The following DDX60L variants were observed in gnomAD, a reference collection of about 807,000 sequenced individuals.
DDX60L encodes probable ATP-dependent RNA helicase DDX60-like.
In DDX60L, 191 loss-of-function variants were observed where a neutral mutation model predicts 211.6. The observed-to-expected ratio is 0.90, with a 90% CI of 0.80 to 1.02. The LOEUF (loss-of-function observed/expected upper bound fraction) is 1.02, where lower values mean the gene tolerates loss of function less well. Ranked by LOEUF, DDX60L falls within the 50% of genes least tolerant of loss-of-function variation. The pLI, the probability that DDX60L is intolerant of heterozygous loss-of-function variation, is 0.00. For synonymous variants in DDX60L, 706 were observed against 694.1 expected, an observed-to-expected ratio of 1.02 and a Z score of -0.27; for missense variants, 2,007 against 1,984.1, an observed-to-expected ratio of 1.01 and a Z score of -0.22.
chr4:168,445,245 A>G (rs1754586758), intron 9 of DDX60L, among the ~76,000 whole-genome samples: 1 of 122,780 alleles, frequency 8.1e-6, no homozygotes, highest in African/African-American at 2.8e-5. Flanking sequence ...AGAATACTAC[A>G]AACACCTCTA....
intron 29 of DDX60L, chr4:168,390,158 G>T: frequency 1.0e-6 from 1 of 992,244 alleles, no homozygotes; most frequent in Non-Finnish European, 1.2e-6. Flanking sequence ...ATCAGGGCAG[G>T]ATAACAAAGT....
intron 9 of DDX60L, among the ~76,000 whole-genome samples, chr4:168,442,274 C>A (rs1430734588): frequency 1.3e-5 from 2 of 152,198 alleles, no homozygotes; most frequent in African/African-American, 4.8e-5. Context: ...TCACTCCCAC[C>A]AGAATACTGC....
At chr4:168,418,196 T>C (rs908422125) in intron 19 of DDX60L, among the ~76,000 whole-genome samples, 2 of 152,156 alleles carry the variant, frequency 1.3e-5, no homozygotes, top group East Asian at 1.9e-4. Context: ...GTCTCCCGAA[T>C]AGCTGAGATT....
Position 168,456,064 on chromosome 4 carries a change from G to A in DDX60L, c.812C>T (p.Ser271Phe). The A allele has an allele frequency of 6.3e-7, 1 of 1,593,928 alleles. No individual in the cohort carries two copies. The highest frequency in any genetic ancestry group is 2.3e-5 in the East Asian group (1 of 43,686). The change falls in exon 7 of 38, where the codon TCC (serine) becomes TTC (phenylalanine). Residue 271 changes from serine to phenylalanine, a missense_variant. Ser to Phe is a radical substitution (Grantham distance 155, BLOSUM62 -2). Coordinates refer to ENST00000682922, the MANE Select transcript of DDX60L (RefSeq NM_001012967.3). ...RVLCVTSCSL[S>F]LRMYHRVLVH... The stretch of plus-strand genomic sequence containing the variant: ...TAAGACACGATGGTACATTCTCAAG[G>A]ATAGTGAACATGAAGTGACACAGAG...
At chr4:168,385,328 G>A (rs1036508764) in intron 29 of DDX60L, among the ~76,000 whole-genome samples, 2 of 152,192 alleles carry the variant, frequency 1.3e-5, no homozygotes, top group East Asian at 1.9e-4. Context: ...CTGAATACAC[G>A]GAGTTTCCTG....
chr4:168,435,567 A>C (rs1752922587), intron 10 of DDX60L, among the ~76,000 whole-genome samples: 1 of 152,200 alleles, frequency 6.6e-6, no homozygotes, highest in African/African-American at 2.4e-5. Context: ...TGAGCAAAAT[A>C]ATATACCTCC....
intron 36 of DDX60L, among the ~76,000 whole-genome samples, chr4:168,364,539 C>A (rs940836234): frequency 4.6e-5 from 7 of 152,072 alleles, no homozygotes; most frequent in Admixed American, 6.5e-5. Flanking sequence ...CACCATAGAC[C>A]AAATTGACCT....
Position 168,456,146 on chromosome 4 carries a change from G to C in DDX60L, c.730C>G (p.Gln244Glu). 1.9e-6 allele frequency: 3 copies of C among 1,541,070 alleles called. No individual in the cohort carries two copies. The highest frequency in any genetic ancestry group is 2.6e-6 in the Non-Finnish European group (3 of 1,151,068). The change falls in exon 7 of 38, where the codon CAG becomes GAG. Residue 244 changes from glutamine (Q) to glutamate (E), a missense_variant. Gln to Glu is a conservative substitution (Grantham distance 29). Transcript: ENST00000682922. ...AGGTGCTGAAGCAGAAATAGAGTCT[G>C]ATACGCCTATCAAAAAAGAAATTTC... ...KWNDMMEEAY[Q>E]TLFLLQHLWS... is the part of the protein sequence containing the mutation.
At chr4:168,386,853 T>C (rs999664688) in intron 29 of DDX60L, among the ~76,000 whole-genome samples, 1 of 152,132 alleles carries the variant, frequency 6.6e-6, no homozygotes, top group Non-Finnish European at 1.5e-5. Context: ...GTAAGAAGAT[T>C]AGATTGATTA....
chr4:168,404,543 A>C (rs1365686920), intron 24 of DDX60L, among the ~76,000 whole-genome samples: 1 of 152,154 alleles, frequency 6.6e-6, no homozygotes, highest in African/African-American at 2.4e-5. Context: ...AACTATGTCT[A>C]CCAATAATTT....
chr4:168,421,567 A>G (rs1214989700), intron 17 of DDX60L, among the ~76,000 whole-genome samples, 193 bp downstream of exon 17: 1 of 152,194 alleles, frequency 6.6e-6, no homozygotes, highest in Non-Finnish European at 1.5e-5. Flanking sequence ...AGGCGGGAGA[A>G]TCACTTGAAC....
chr4:168,378,347 A>T lies in DDX60L; in HGVS notation c.4485+7T>A. On this transcript the variant is annotated splice_region_variant and intron_variant, in intron 33 of 37. Coordinates refer to ENST00000682922, the MANE Select transcript of DDX60L (RefSeq NM_001012967.3). ...TATTATATCATTGTAAGTATAACAA[A>T]CTTTACCTTTGACTGAGAAAAACTT... 1 of 1,363,734 alleles carries T rather than the reference A, an allele frequency of 7.3e-7. No individual in the cohort carries two copies. The highest frequency in any genetic ancestry group is 1.3e-5 in the South Asian group (1 of 77,510). 84.5% of individuals were successfully genotyped at this position (1,363,734 alleles called of 1,614,324 possible). A position where few individuals can be genotyped will look rare whatever the true frequency, so the allele number is the denominator to read the frequency against.
intron 4 of DDX60L, chr4:168,470,378 G>T (rs1293948672): frequency 6.6e-6 from 1 of 152,222 alleles, no homozygotes; most frequent in Non-Finnish European, 1.5e-5. Context: ...GCAAGATATT[G>T]AAAGAGATTG....
chr4:168,377,587 G>T (rs1351461243), intron 33 of DDX60L: 1 of 152,080 alleles, frequency 6.6e-6, no homozygotes, highest in Non-Finnish European at 1.5e-5. Flanking sequence ...ACTTTAAAAT[G>T]TGTATGCATT....
chr4:168,415,087 A>G (rs1749313316), intron 22 of DDX60L, among the ~76,000 whole-genome samples: 1 of 151,980 alleles, frequency 6.6e-6, no homozygotes, highest in Non-Finnish European at 1.5e-5. Context: ...ATGGATACAT[A>G]ATTACCATTG....
chr4:168,455,334 G>A (rs1324573702), intron 7 of DDX60L, among the ~76,000 whole-genome samples: 7 of 148,916 alleles, frequency 4.7e-5, no homozygotes, highest in Non-Finnish European at 5.9e-5. Flanking sequence ...ATAGTAGAGC[G>A]GAAAATCCAT....
chr4:168,454,977 A>G (rs1201946927), intron 7 of DDX60L, among the ~76,000 whole-genome samples: 1 of 151,594 alleles, frequency 6.6e-6, no homozygotes, highest in Non-Finnish European at 1.5e-5. Context: ...TTGCCTTCCA[A>G]GATATGTATG....
In DDX60L at chr4:168,421,765, C is replaced by T. The variant is rs755719329; in HGVS notation, c.2389G>A (p.Ala797Thr). The change falls in exon 17 of 38, where the codon GCA becomes ACA. Residue 797 changes from alanine to threonine, a missense_variant. Physicochemically the swap from Ala to Thr is moderately conservative, Grantham distance 58. Transcript: ENST00000682922. Reference protein sequence around the residue: ...DVGVVVYVAPAKSLVGQVAAT... With the variant: ...DVGVVVYVAPTKSLVGQVAAT... ...GAAAGTCATTCAAACACTACCTTTGCGGGTGCAACGTACACAACCACCCCG... is the reference window on the plus strand; with the variant it reads ...GAAAGTCATTCAAACACTACCTTTGTGGGTGCAACGTACACAACCACCCCG... 59 of 1,613,716 alleles carry T rather than the reference C, an allele frequency of 3.7e-5. 1 individual carries two copies. Among genetic ancestry groups the T allele is most frequent in the African/African-American group, 3.5e-4 (26 of 74,892 alleles).
chr4:168,358,764 C>T (rs1354160126), intron 37 of DDX60L, among the ~76,000 whole-genome samples: 6 of 151,980 alleles, frequency 3.9e-5, no homozygotes, highest in East Asian at 1.9e-4. Flanking sequence ...GTGATCCACC[C>T]GCCTCGGCCT....
Sources: allele counts gnomAD v4.1 joint callset (sites outside exome capture counted in the v4.1 genomes callset), GRCh38; gene constraint gnomAD v4.1.1; transcripts MANE v1.5; gene names NCBI Gene and HGNC (gene_info 2026-07-23, HGNC 2026-07-21).